Variants in ZNRF2 observed in about 807,000 individuals in gnomAD.
ZNRF2 encodes zinc and ring finger 2.
A neutral mutation model predicts 20.4 loss-of-function variants in ZNRF2; 16 were observed. The observed-to-expected ratio is 0.79, with a 90% CI of 0.53 to 1.19. The LOEUF is 1.19. ZNRF2 is among the 50% of genes most tolerant of loss of function. The pLI is 0.00. For synonymous variants in ZNRF2, 178 were observed against 144.9 expected (o/e 1.23, Z -1.64); for missense variants, 363 against 332.4 (o/e 1.09, Z -0.72).
At chr7:30,321,812 T>G (rs1268946400) in intron 1 of ZNRF2, among the ~76,000 whole-genome samples, 1 of 152,188 alleles carries the variant, frequency 6.6e-6, no homozygotes. Flanking sequence ...ATCTCTGCTT[T>G]CTCCCCATGG....
intron 2 of ZNRF2, among the ~76,000 whole-genome samples, chr7:30,338,411 G>A (rs1249787519): frequency 1.3e-3 from 189 of 149,116 alleles, no homozygotes; most frequent in African/African-American, 4.4e-3. Context: ...TCCTAATGCT[G>A]TCCCTCCCCT....
chr7:30,316,999 C>T (rs574547771), intron 1 of ZNRF2, among the ~76,000 whole-genome samples: 32 of 152,112 alleles, frequency 2.1e-4, no homozygotes, highest in Non-Finnish European at 4.3e-4. Context: ...ATTTGCCCCC[C>T]CTTTTTTTTA....
At chr7:30,356,741 T>G (rs1247825988) in intron 3 of ZNRF2, among the ~76,000 whole-genome samples, 1 of 146,234 alleles carries the variant, frequency 6.8e-6, no homozygotes, top group East Asian at 2.0e-4. Flanking sequence ...AGTCTCGCTC[T>G]GTTGCCCAGG....
At chr7:30,340,184 C>A (rs1219654939) in intron 2 of ZNRF2, among the ~76,000 whole-genome samples, 1 of 152,162 alleles carries the variant, frequency 6.6e-6, no homozygotes, top group Admixed American at 6.5e-5. Context: ...ACAATCATGT[C>A]ATCTGCAAGC....
intron 1 of ZNRF2, among the ~76,000 whole-genome samples, chr7:30,286,950 C>T (rs1460921625): frequency 6.6e-6 from 1 of 152,154 alleles, no homozygotes; most frequent in Non-Finnish European, 1.5e-5. Flanking sequence ...TTTATCCGTT[C>T]TCATGTTCTG....
At chr7:30,308,984 T>C (rs1039520426) in intron 1 of ZNRF2, among the ~76,000 whole-genome samples, 1 of 152,194 alleles carries the variant, frequency 6.6e-6, no homozygotes, top group Non-Finnish European at 1.5e-5. Flanking sequence ...TTGGCTTCAT[T>C]TATCTCTTTT....
chr7:30,343,852 T>C (rs1372050044), intron 2 of ZNRF2, among the ~76,000 whole-genome samples: 1 of 151,846 alleles, frequency 6.6e-6, no homozygotes. Context: ...TCAGTGCTAA[T>C]TCTGTCATTA....
chr7:30,358,347 TA>T (rs1424885217), intron 3 of ZNRF2, among the ~76,000 whole-genome samples: 4 of 152,216 alleles, frequency 2.6e-5, no homozygotes, highest in Non-Finnish European at 5.9e-5. Flanking sequence ...TTATAAGGAT[TA>T]AATTTTATAA....
Position 30,366,496 on chromosome 7 carries a change from T to C in ZNRF2, c.*484T>C, listed in dbSNP as rs749998496. 6.6e-6 allele frequency: 1 copy of C among 152,586 alleles called. No homozygotes were observed. The highest frequency in any genetic ancestry group is 1.5e-5 in the Non-Finnish European group (1 of 68,004). The allele number at this position is 152,586 out of a possible 1,614,324, so 9.5% of individuals were successfully genotyped here. A position where few individuals can be genotyped will look rare whatever the true frequency, so the allele number is the denominator to read the frequency against. The stretch of plus-strand genomic sequence containing the variant: ...ATCTGTTCTTAAATTGAAAAACATA[T>C]AATTTACTTCTTATAAATTGAAGTC... On this transcript the variant is annotated 3_prime_UTR_variant, in exon 5 of 5. Coordinates refer to ENST00000323037, the MANE Select transcript of ZNRF2 (RefSeq NM_147128.4).
intron 2 of ZNRF2, among the ~76,000 whole-genome samples, chr7:30,326,647 T>A (rs1799557073): frequency 6.6e-6 from 1 of 152,242 alleles, no homozygotes. Flanking sequence ...TTTAGGTGTA[T>A]ACCCAGTAGT....
At chr7:30,328,589 C>T (rs1799588877) in intron 2 of ZNRF2, among the ~76,000 whole-genome samples, 1 of 152,140 alleles carries the variant, frequency 6.6e-6, no homozygotes, top group African/African-American at 2.4e-5. Context: ...TGGATGAGTT[C>T]CAGAAATTCA....
chr7:30,317,379 G>A (rs1182013343), intron 1 of ZNRF2, among the ~76,000 whole-genome samples: 2 of 152,164 alleles, frequency 1.3e-5, no homozygotes, highest in Non-Finnish European at 2.9e-5. Context: ...GAATTCAGTA[G>A]GACAGAGAAG....
rs565903983 is a variant in ZNRF2 at position 30,367,570 on chromosome 7, C to G, written c.*1558C>G. ...TACTCTTAATCTTCTCTAAATTTTT[C>G]CCCCTACTTTCTTGCTTCTGTTTCA... On this transcript the variant is annotated 3_prime_UTR_variant, in exon 5 of 5. Transcript: ENST00000323037. The G allele has an allele frequency of 6.6e-6, 1 of 151,866 alleles. No individual in the cohort carries two copies. The highest frequency in any genetic ancestry group is 1.5e-5 in the Non-Finnish European group (1 of 67,840). 9.4% of individuals were successfully genotyped at this position (151,866 alleles called of 1,614,324 possible). A position where few individuals can be genotyped will look rare whatever the true frequency, so the allele number is the denominator to read the frequency against.
intron 1 of ZNRF2, among the ~76,000 whole-genome samples, chr7:30,299,419 CA>C (rs756818976): frequency 0.011 from 1,325 of 117,720 alleles, 5 homozygotes; most frequent in Middle Eastern, 0.027. Context: ...AACTATGTCT[CA>C]AAAAAAAAAA....
intron 1 of ZNRF2, among the ~76,000 whole-genome samples, chr7:30,313,828 G>A (rs1199402086): frequency 1.3e-5 from 2 of 152,182 alleles, no homozygotes; most frequent in Non-Finnish European, 2.9e-5. Context: ...GTGGTGATGT[G>A]TGGCCATTTC....
intron 1 of ZNRF2, among the ~76,000 whole-genome samples, chr7:30,321,226 T>G (rs1344640526): frequency 6.6e-6 from 1 of 152,084 alleles, no homozygotes; most frequent in Non-Finnish European, 1.5e-5. Flanking sequence ...CGGGATCTGT[T>G]TTTTATTCAG....
chr7:30,352,690 G>C (rs1206603299), intron 2 of ZNRF2, among the ~76,000 whole-genome samples: 6 of 152,018 alleles, frequency 3.9e-5, no homozygotes, highest in African/African-American at 7.2e-5. Context: ...TCCCTTCTCT[G>C]CTTCTTTAAT....
At chr7:30,349,612 C>T (rs1259643251) in intron 2 of ZNRF2, among the ~76,000 whole-genome samples, 5 of 151,784 alleles carry the variant, frequency 3.3e-5, no homozygotes, top group African/African-American at 1.2e-4. Context: ...TACGTATTAC[C>T]CAGATTGCTG....
chr7:30,352,989 A>G (rs1024954535), intron 2 of ZNRF2, among the ~76,000 whole-genome samples: 7 of 152,124 alleles, frequency 4.6e-5, no homozygotes, highest in Admixed American at 4.6e-4. Context: ...AAGTGTCATT[A>G]TAGGGGTGAG....
Sources: allele counts gnomAD v4.1 joint callset (sites outside exome capture counted in the v4.1 genomes callset), GRCh38; gene constraint gnomAD v4.1.1; transcripts MANE v1.5; gene names NCBI Gene and HGNC (gene_info 2026-07-23, HGNC 2026-07-21).